Variants in AGBL4 observed in about 807,000 individuals in gnomAD.
AGBL4 encodes the protein cytosolic carboxypeptidase 6.
A neutral mutation model predicts 66.4 loss-of-function variants in AGBL4; 58 were observed. That is an observed-to-expected ratio of 0.87 (90% CI 0.71 to 1.09). The LOEUF is 1.09. AGBL4 is among the 50% of genes least tolerant of loss of function. AGBL4 has a pLI of 0.00. For missense variants in AGBL4, 579 were observed against 631.0 expected (o/e 0.92, Z 0.88); for synonymous variants, 234 against 222.9 (o/e 1.05, Z -0.44).
At chr1:49,414,931 A>G (rs1161327804) in intron 3 of AGBL4, among the ~76,000 whole-genome samples, 1 of 152,164 alleles carries the variant, frequency 6.6e-6, no homozygotes, top group Non-Finnish European at 1.5e-5. Context: ...AGTGTTAGCT[A>G]TAAGGATGAC....
At chr1:48,918,665 G>A (rs778172742) in intron 5 of AGBL4, among the ~76,000 whole-genome samples, 12 of 152,130 alleles carry the variant, frequency 7.9e-5, no homozygotes, top group East Asian at 3.9e-4. Flanking sequence ...GCCTCTCACC[G>A]AAACCTGACC....
intron 4 of AGBL4, among the ~76,000 whole-genome samples, chr1:49,049,217 T>TC (rs752598074): frequency 4.6e-5 from 7 of 152,136 alleles, no homozygotes; most frequent in Non-Finnish European, 1.0e-4. Flanking sequence ...TGGTCTGCCT[T>TC]CCCCACCATC....
intron 6 of AGBL4, among the ~76,000 whole-genome samples, chr1:48,841,409 C>T (rs1367242305): frequency 2.2e-5 from 3 of 136,392 alleles, no homozygotes; most frequent in African/African-American, 8.7e-5. Flanking sequence ...AACCCCCCCC[C>T]CCCAAAAAAA....
intron 5 of AGBL4, among the ~76,000 whole-genome samples, chr1:48,882,500 C>CAT (rs1649887994): frequency 6.6e-6 from 1 of 152,112 alleles, no homozygotes; most frequent in African/African-American, 2.4e-5. Context: ...TCCATTCTCA[C>CAT]ATGGCTATAA....
chr1:49,239,958 CTTTT>C (rs1301944946), intron 4 of AGBL4, among the ~76,000 whole-genome samples: 1 of 151,630 alleles, frequency 6.6e-6, no homozygotes, highest in Non-Finnish European at 1.5e-5. Context: ...AAATGTATGA[CTTTT>C]TTTAGCTATG....
chr1:49,821,186 T>C (rs1645360845), intron 2 of AGBL4, among the ~76,000 whole-genome samples: 1 of 152,180 alleles, frequency 6.6e-6, no homozygotes, highest in South Asian at 2.1e-4. Context: ...CTAAATTATT[T>C]ATTCATTCAT....
intron 2 of AGBL4, among the ~76,000 whole-genome samples, chr1:49,818,579 C>A (rs566901285): frequency 1.3e-5 from 2 of 152,152 alleles, no homozygotes; most frequent in African/African-American, 4.8e-5. Context: ...GTTTCCCAGG[C>A]TGCTCTTGAA....
intron 3 of AGBL4, among the ~76,000 whole-genome samples, chr1:49,495,258 C>A (rs575326104): frequency 6.6e-6 from 1 of 152,114 alleles, no homozygotes; most frequent in Admixed American, 6.5e-5. Flanking sequence ...TTACAACTAG[C>A]TTGTCCAACC....
At chr1:49,163,396 G>GGTAGA (rs1557691983) in intron 4 of AGBL4, among the ~76,000 whole-genome samples, 1,815 of 152,264 alleles carry the variant, frequency 0.012, 28 homozygotes, top group African/African-American at 0.042. Context: ...GTCACCTAAC[G>GGTAGA]TTTGGTAGAT....
At chr1:49,529,079 T>C (rs1174169785) in intron 3 of AGBL4, among the ~76,000 whole-genome samples, 1 of 152,058 alleles carries the variant, frequency 6.6e-6, no homozygotes, top group Admixed American at 6.5e-5. Context: ...ATCTGGAGGA[T>C]GGATTGCAAA....
intron 1 of AGBL4, among the ~76,000 whole-genome samples, chr1:50,019,012 ACT>A (rs1444775591): frequency 2.6e-5 from 4 of 151,824 alleles, no homozygotes; most frequent in Non-Finnish European, 5.9e-5. Context: ...AATTTATGTG[ACT>A]CTGTTTATAA....
At chr1:48,978,454 G>T (rs1659507617) in intron 5 of AGBL4, among the ~76,000 whole-genome samples, 1 of 152,068 alleles carries the variant, frequency 6.6e-6, no homozygotes, top group Non-Finnish European at 1.5e-5. Context: ...AGCTTCTTTT[G>T]GTACTCCTAG....
chr1:48,839,968 G>C (rs1051718141), intron 6 of AGBL4, among the ~76,000 whole-genome samples: 1 of 152,058 alleles, frequency 6.6e-6, no homozygotes, highest in Non-Finnish European at 1.5e-5. Context: ...ATTGCTCTCT[G>C]GTCCCAGCCT....
intron 6 of AGBL4, among the ~76,000 whole-genome samples, chr1:48,811,265 C>T (rs72681078): frequency 0.07 from 10,592 of 151,986 alleles, 506 homozygotes; most frequent in East Asian, 0.17. Flanking sequence ...TCTGAGGGCC[C>T]GAAGGAACTG....
intron 2 of AGBL4, among the ~76,000 whole-genome samples, chr1:49,841,006 A>T (rs1218102044): frequency 6.6e-6 from 1 of 152,360 alleles, no homozygotes; most frequent in East Asian, 1.9e-4. Flanking sequence ...TAGCCAAAGC[A>T]GTCAGGCAAG....
intron 1 of AGBL4, among the ~76,000 whole-genome samples, chr1:49,875,287 C>T (rs1646961168): frequency 7.4e-6 from 1 of 134,374 alleles, no homozygotes; most frequent in Non-Finnish European, 1.6e-5. Flanking sequence ...GGTATATCTC[C>T]CAATGCTATC....
chr1:49,668,700 A>C lies in AGBL4; in HGVS notation c.282+28613T>G, dbSNP rs932488232. On this transcript the variant is annotated intron_variant, in intron 3 of 13. Transcript: ENST00000371839. ...TCTGCTATGAAAATCAGATGCTTTC[A>C]CCTGGAATCCCACTCCTGAATTGAT... is the stretch of plus-strand genomic sequence containing the variant. Among the ~76,000 whole-genome samples the C allele has an allele frequency of 6.6e-4, 100 of 152,160 alleles. 1 individual carries two copies. The highest frequency in any genetic ancestry group is 2.3e-3 in the African/African-American group (97 of 41,452).
chr1:49,829,200 CGGATGGATGAAT>C (rs1645591597), intron 2 of AGBL4, among the ~76,000 whole-genome samples: 1 of 151,804 alleles, frequency 6.6e-6, no homozygotes. Flanking sequence ...TCTTAATGGA[CGGATGGATGAAT>C]GGATGGATGG....
At chr1:50,023,061 T>C (rs1030256679) in intron 1 of AGBL4, among the ~76,000 whole-genome samples, 2 of 152,054 alleles carry the variant, frequency 1.3e-5, no homozygotes, top group African/African-American at 2.4e-5. Context: ...CCTTTGATTC[T>C]GAATGACCTT....
Sources: allele counts gnomAD v4.1 joint callset (sites outside exome capture counted in the v4.1 genomes callset), GRCh38; gene constraint gnomAD v4.1.1; transcripts MANE v1.5; gene names NCBI Gene and HGNC (gene_info 2026-07-23, HGNC 2026-07-21).